The following PTBP3 variants were observed in gnomAD, a reference collection of about 807,000 sequenced individuals.
PTBP3 encodes the protein polypyrimidine tract-binding protein 3.
Under a neutral mutation model 58.7 loss-of-function variants are expected in PTBP3, and 20 were observed. The ratio of observed to expected loss-of-function variants is 0.34; its 90% CI spans 0.24 to 0.50. PTBP3 has a LOEUF of 0.50. Ranked by LOEUF, PTBP3 falls within the 20% of genes least tolerant of loss-of-function variation. PTBP3 has a pLI of 0.98. For missense variants in PTBP3, 509 were observed against 637.2 expected, an observed-to-expected ratio of 0.80 and a Z score of 2.17; for synonymous variants, 185 against 219.8, an observed-to-expected ratio of 0.84 and a Z score of 1.40.
the PTBP3 span, among the ~76,000 whole-genome samples, chr9:112,344,119 T>C: frequency 1.6e-4 from 24 of 152,174 alleles, no homozygotes; most frequent in Non-Finnish European, 3.2e-4. Flanking sequence ...GTAAAATTTA[T>C]CAATCTTTTT....
intron 4 of PTBP3, among the ~76,000 whole-genome samples, chr9:112,263,722 G>A (rs1836689097): frequency 6.6e-6 from 1 of 152,324 alleles, no homozygotes; most frequent in Non-Finnish European, 1.5e-5. Context: ...ATGAGGAATG[G>A]AGGGAACTTA....
At chr9:112,263,835 A>G (rs763707610) in intron 4 of PTBP3, among the ~76,000 whole-genome samples, 5 of 152,218 alleles carry the variant, frequency 3.3e-5, no homozygotes, top group Admixed American at 6.5e-5. Context: ...ACAGGAAAGA[A>G]GGACCAGAGT....
At chr9:112,328,897 T>A (rs1260208662) in intron 1 of PTBP3, among the ~76,000 whole-genome samples, 1 of 149,290 alleles carries the variant, frequency 6.7e-6, no homozygotes, top group Non-Finnish European at 1.5e-5. Flanking sequence ...GGACCCAAAG[T>A]GGTGGAACAA....
intron 10 of PTBP3, among the ~76,000 whole-genome samples, chr9:112,230,463 C>T (rs903158651): frequency 3.9e-5 from 6 of 151,940 alleles, no homozygotes; most frequent in Non-Finnish European, 5.9e-5. Flanking sequence ...CACTGATTTA[C>T]GGGGAAAAAA....
At chr9:112,351,505 A>G in the PTBP3 span, among the ~76,000 whole-genome samples, 1,234 of 152,276 alleles carry the variant, frequency 8.1e-3, 25 homozygotes, top group African/African-American at 0.028. Context: ...TTGCCTTTCC[A>G]TATTGTACTC....
the PTBP3 span, among the ~76,000 whole-genome samples, chr9:112,347,048 AGAT>A: frequency 1.3e-5 from 2 of 152,212 alleles, no homozygotes; most frequent in Non-Finnish European, 2.9e-5. Context: ...CTAGAGCACC[AGAT>A]GTATATAACC....
the PTBP3 span, among the ~76,000 whole-genome samples, chr9:112,366,885 A>T: frequency 6.6e-6 from 1 of 152,158 alleles, no homozygotes; most frequent in African/African-American, 2.4e-5. Flanking sequence ...AGCAGCCAGG[A>T]GGGGGGCTAT....
chr9:112,221,760 G>C lies in PTBP3; in HGVS notation c.*2091C>G. The C allele has an allele frequency of 1.0e-6, 1 of 985,204 alleles. No individual in the cohort carries two copies. The highest frequency in any genetic ancestry group is 1.2e-6 in the Non-Finnish European group (1 of 829,752). 61.0% of individuals were successfully genotyped at this position (985,204 alleles called of 1,614,324 possible). ...CCCTCCTTTCTATTCTACCAACTAAGTGTTGCTCAGTGGTGAGTGAATTCT... is the reference window on the plus strand; with the variant it reads ...CCCTCCTTTCTATTCTACCAACTAACTGTTGCTCAGTGGTGAGTGAATTCT... On this transcript the variant is annotated 3_prime_UTR_variant, in exon 14 of 14. Coordinates refer to ENST00000374257, the MANE Select transcript of PTBP3 (RefSeq NM_001163788.4).
chr9:112,284,197 G>A (rs748454710), intron 2 of PTBP3, among the ~76,000 whole-genome samples: 2 of 152,168 alleles, frequency 1.3e-5, no homozygotes, highest in Non-Finnish European at 2.9e-5. Flanking sequence ...ATCTCAGAAT[G>A]GTAGATCCAT....
At chr9:112,322,633 T>C (rs1401796156) in intron 1 of PTBP3, among the ~76,000 whole-genome samples, 1 of 152,208 alleles carries the variant, frequency 6.6e-6, no homozygotes, top group East Asian at 1.9e-4. Context: ...ATACAACATG[T>C]CTGGCTTTCA....
At chr9:112,285,491 T>A (rs942346978) in intron 2 of PTBP3, among the ~76,000 whole-genome samples, 2 of 152,218 alleles carry the variant, frequency 1.3e-5, no homozygotes, top group African/African-American at 4.8e-5. Flanking sequence ...AAAACTGTTC[T>A]ATACTGTCAA....
intron 4 of PTBP3, among the ~76,000 whole-genome samples, 192 bp downstream of exon 4, chr9:112,267,857 T>A (rs926711757): frequency 5.3e-5 from 8 of 152,160 alleles, no homozygotes; most frequent in African/African-American, 1.7e-4. Flanking sequence ...AGAGAAAAAA[T>A]TAACTTCTAT....
chr9:112,257,650 G>A (rs1008944930), intron 5 of PTBP3, among the ~76,000 whole-genome samples: 1 of 152,096 alleles, frequency 6.6e-6, no homozygotes, highest in Admixed American at 6.6e-5. Flanking sequence ...TGTAAAAAGT[G>A]TATTCATGGC....
At chr9:112,311,967 T>C (rs1373017719) in intron 1 of PTBP3, among the ~76,000 whole-genome samples, 3 of 151,562 alleles carry the variant, frequency 2.0e-5, no homozygotes, top group African/African-American at 7.3e-5. Flanking sequence ...ATCTTTATTT[T>C]AAAAAGAAAA....
intron 1 of PTBP3, among the ~76,000 whole-genome samples, chr9:112,313,637 C>T (rs1647634558): frequency 6.6e-6 from 1 of 152,166 alleles, no homozygotes; most frequent in Admixed American, 6.5e-5. Flanking sequence ...TGGTTGCTGG[C>T]AGGACTCAGT....
upstream of PTBP3, among the ~76,000 whole-genome samples, chr9:112,336,168 C>A (rs1014815433): frequency 6.6e-6 from 1 of 152,084 alleles, no homozygotes; most frequent in Non-Finnish European, 1.5e-5. Context: ...ACCACTATGC[C>A]CAGCCTCATA....
chr9:112,254,122 C>G (rs1836250114), intron 5 of PTBP3, among the ~76,000 whole-genome samples: 1 of 152,050 alleles, frequency 6.6e-6, no homozygotes, highest in African/African-American at 2.4e-5. Context: ...TCCCAAGTAG[C>G]TGGGACTACA....
At chr9:112,349,862 T>TAAAAAA in the PTBP3 span, among the ~76,000 whole-genome samples, 1 of 10,020 alleles carries the variant, frequency 1.0e-4, no homozygotes, top group African/African-American at 1.1e-3. Context: ...AGACTCTGTC[T>TAAAAAA]CAAAAAAAAA....
At chr9:112,283,326 T>A (rs987263866) in intron 2 of PTBP3, among the ~76,000 whole-genome samples, 1 of 152,152 alleles carries the variant, frequency 6.6e-6, no homozygotes, top group African/African-American at 2.4e-5. Flanking sequence ...AGAGACTTGT[T>A]GAATACTTTT....
Sources: allele counts gnomAD v4.1 joint callset (sites outside exome capture counted in the v4.1 genomes callset), GRCh38; gene constraint gnomAD v4.1.1; transcripts MANE v1.5; gene names NCBI Gene and HGNC (gene_info 2026-07-23, HGNC 2026-07-21).